Variants in D2HGDH observed in about 807,000 individuals in gnomAD.
D2HGDH encodes D-2-hydroxyglutarate dehydrogenase, also known as D-2-hydroxyglutarate dehydrogenase, mitochondrial.
D2HGDH carries 31 observed loss-of-function variants against 46.9 expected under a neutral mutation model. That is an observed-to-expected ratio of 0.66 (90% confidence interval 0.50 to 0.89). The LOEUF is 0.89. D2HGDH is among the 40% of genes least tolerant of loss of function. The pLI, the probability that D2HGDH is intolerant of heterozygous loss-of-function variation, is 0.00. For synonymous variants in D2HGDH, 364 were observed against 332.6 expected, an observed-to-expected ratio of 1.09 and a Z score of -1.03; for missense variants, 698 against 720.8, an observed-to-expected ratio of 0.97 and a Z score of 0.36.
chr2:241,735,452 C>A lies in D2HGDH; in HGVS notation c.228C>A (p.Gly76=). 3 of 1,609,738 alleles carry A rather than the reference C, an allele frequency of 1.9e-6. No individual in the cohort carries two copies. Among genetic ancestry groups the A allele is most frequent in the Non-Finnish European group, 1.7e-6 (2 of 1,179,664 alleles). Residue 76 remains glycine (G), a synonymous_variant, in exon 2 of 10, where the codon GGC becomes GGA. Coordinates refer to ENST00000321264, the MANE Select transcript of D2HGDH (RefSeq NM_152783.5). ...CCGCCTTTGAGCGCATCGTGCCCGGCGGGGTCGTCACGGACCCGGAAGCGC... is the reference window on the plus strand; with the variant it reads ...CCGCCTTTGAGCGCATCGTGCCCGGAGGGGTCGTCACGGACCCGGAAGCGC... ...DLAAFERIVP[G]GVVTDPEALQ... is the part of the protein sequence containing the mutation.
Position 241,743,098 on chromosome 2 carries a change from G to T in D2HGDH, c.490+524G>T, listed in dbSNP as rs1408866902. 1.4e-5 allele frequency among the ~76,000 whole-genome samples: 2 copies of T among 147,040 alleles called. No individual in the cohort carries two copies. The highest frequency in any genetic ancestry group is 4.0e-4 in the East Asian group (2 of 4,978). On this transcript the variant is annotated intron_variant, in intron 4 of 9. Coordinates refer to ENST00000321264, the MANE Select transcript of D2HGDH (RefSeq NM_152783.5). This position sits in a 1 kb window ranked among gnomAD's most constrained non-coding sequence, Gnocchi z 4.8. ...CAGGCGTGAGGGGATCCTGACCCAGGGTGCCAGGGCGTGGCAGGCATGAGG... is the reference window on the plus strand; with the variant it reads ...CAGGCGTGAGGGGATCCTGACCCAGTGTGCCAGGGCGTGGCAGGCATGAGG...
At chr2:241,746,174 T>C (rs182711339) in intron 6 of D2HGDH, among the ~76,000 whole-genome samples, 2 of 152,316 alleles carry the variant, frequency 1.3e-5, no homozygotes, top group East Asian at 1.9e-4. Context: ...TGATTCAGGA[T>C]AGAATGTCTC....
At chr2:241,762,936 T>A (rs1698959361) in intron 9 of D2HGDH, among the ~76,000 whole-genome samples, 1 of 152,238 alleles carries the variant, frequency 6.6e-6, no homozygotes. Context: ...GTGGTTTGTC[T>A]TCTTGTGTGT....
Position 241,742,022 on chromosome 2 carries a change from T to C in D2HGDH, c.351-413T>C, listed in dbSNP as rs964770659. On this transcript the variant is annotated intron_variant, in intron 3 of 9. Transcript: ENST00000321264. This position sits in a 1 kb window ranked among gnomAD's most constrained non-coding sequence, Gnocchi z 4.8. ...CAGGCTGGTTGGGAGGGAGGTATCC[T>C]TGGGCACACGTCTGGGGGATAATGG... 8.5e-5 allele frequency among the ~76,000 whole-genome samples: 13 copies of C among 152,150 alleles called. No homozygotes were observed. The highest frequency in any genetic ancestry group is 3.1e-4 in the African/African-American group (13 of 41,414).
intron 2 of D2HGDH, among the ~76,000 whole-genome samples, chr2:241,738,962 C>T (rs1423064141): frequency 1.3e-5 from 2 of 152,228 alleles, no homozygotes; most frequent in African/African-American, 2.4e-5. Flanking sequence ...ACTCATTAAG[C>T]ATCATATTCA....
Position 241,757,973 on chromosome 2 carries a change from A to G in D2HGDH, c.1306+1959A>G, listed in dbSNP as rs548477590. 1.1e-3 allele frequency among the ~76,000 whole-genome samples: 163 copies of G among 152,148 alleles called. 2 individuals carry two copies. The highest frequency in any genetic ancestry group is 2.0e-3 in the Non-Finnish European group (133 of 67,972). On this transcript the variant is annotated intron_variant, in intron 9 of 9. Transcript: ENST00000321264. ...AAACTCCATCTCAAAAAAAAAAAAA[A>G]AAGCAAGAATGAATGTTGAATTTTT... is the stretch of plus-strand genomic sequence containing the variant.
chr2:241,734,734 T>G (rs1323364515), intron 1 of D2HGDH, 39 bp downstream of exon 1: 1 of 152,182 alleles, frequency 6.6e-6, no homozygotes, highest in Non-Finnish European at 1.5e-5. Flanking sequence ...GGGCTGAGGG[T>G]CCCGGTCTGC....
chr2:241,737,523 C>A (rs1575177838), intron 2 of D2HGDH, among the ~76,000 whole-genome samples: 1 of 151,678 alleles, frequency 6.6e-6, no homozygotes, highest in East Asian at 2.0e-4. Flanking sequence ...GGAGTCTTGC[C>A]CTGTCACTCA....
Position 241,743,667 on chromosome 2 carries a change from G to A in D2HGDH, c.536G>A (p.Arg179Gln), listed in dbSNP as rs1354341670. The A allele has an allele frequency of 7.4e-6, 12 of 1,613,878 alleles. No individual in the cohort carries two copies. The highest frequency in any genetic ancestry group is 1.7e-5 in the Admixed American group (1 of 59,996). ...GGCTGCGTCCTGGAGGAGCTGAGCC[G>A]GTATGTGGAGGAACGGGACTTCATC... is the stretch of plus-strand genomic sequence containing the variant. ...QAGCVLEELS[R>Q]YVEERDFIMP... The change falls in exon 5 of 10, where the codon CGG becomes CAG. Residue 179 changes from arginine (R) to glutamine (Q), a missense_variant. Physicochemically the swap from Arg to Gln is conservative, Grantham distance 43. Coordinates refer to ENST00000321264, the MANE Select transcript of D2HGDH (RefSeq NM_152783.5). The surrounding 1 kb of genome is among the most constrained non-coding windows in gnomAD (Gnocchi z 4.8).
At chr2:241,745,483 G>A (rs1695627166) in intron 6 of D2HGDH, among the ~76,000 whole-genome samples, 1 of 152,220 alleles carries the variant, frequency 6.6e-6, no homozygotes, top group African/African-American at 2.4e-5. Context: ...CGCGCGGGAG[G>A]TGGCGGGTCT....
chr2:241,758,080 C>T (rs1481043302), intron 9 of D2HGDH, among the ~76,000 whole-genome samples: 5 of 152,150 alleles, frequency 3.3e-5, no homozygotes, highest in Admixed American at 3.3e-4. Context: ...TGATTGATCC[C>T]TCTGGAGTCA....
rs147235851 is a variant in D2HGDH at position 241,762,622 on chromosome 2, C to T, written c.1307-5088C>T. 3.8e-3 allele frequency among the ~76,000 whole-genome samples: 573 copies of T among 152,270 alleles called. 2 individuals carry two copies. The highest frequency in any genetic ancestry group is 0.013 in the African/African-American group (536 of 41,540). ...CCTCTTGGAACTCAGTCCAAGCCCC[C>T]TTGTTTCTTATCGGCTGCTGCCAGG... On this transcript the variant is annotated intron_variant, in intron 9 of 9. Coordinates refer to ENST00000321264, the MANE Select transcript of D2HGDH (RefSeq NM_152783.5).
At chr2:241,764,045 C>CA (rs894258303) in intron 9 of D2HGDH, among the ~76,000 whole-genome samples, 6 of 152,032 alleles carry the variant, frequency 3.9e-5, no homozygotes, top group African/African-American at 1.5e-4. Context: ...GACCCTGTCT[C>CA]AAAAAAACAA....
At chr2:241,749,726 C>CCCCTCCTGATTT (rs1202908051) in intron 6 of D2HGDH, 25 of 333,578 alleles carry the variant, frequency 7.5e-5, no homozygotes, top group African/African-American at 4.9e-4. Context: ...TCGGCGCCTT[C>CCCCTCCTGATTT]CCCTCCTGAT....
At chr2:241,740,619 A>C (rs781189473) in intron 2 of D2HGDH, among the ~76,000 whole-genome samples, 29 of 152,270 alleles carry the variant, frequency 1.9e-4, no homozygotes, top group Admixed American at 5.2e-4. Context: ...TCCTGGACTC[A>C]GATGATTCTC....
intron 2 of D2HGDH, among the ~76,000 whole-genome samples, chr2:241,740,393 C>T (rs897772880): frequency 6.6e-6 from 1 of 152,206 alleles, no homozygotes; most frequent in Non-Finnish European, 1.5e-5. Context: ...GAGCCGACCT[C>T]ACCACAAGTG....
intron 9 of D2HGDH, among the ~76,000 whole-genome samples, chr2:241,765,230 C>A (rs1575347847): frequency 6.6e-6 from 1 of 152,170 alleles, no homozygotes; most frequent in East Asian, 1.9e-4. Context: ...GCAGGCCATG[C>A]GGTAACTCAG....
rs945739232 is a variant in D2HGDH, at chr2:241,755,920, C to T, written c.1212C>T (p.Leu404=). 1.2e-6 allele frequency: 2 copies of T among 1,612,834 alleles called. No homozygotes were observed. The highest frequency in any genetic ancestry group is 1.7e-5 in the Admixed American group (1 of 60,000). ...SRDGYVYKYD[L]SLPVERLYDI... ...ATGGCTACGTGTACAAGTACGACCT[C>T]TCCCTCCCTGTGGAGCGGCTCTACG... The change falls in exon 9 of 10, where the codon CTC becomes CTT. Residue 404 remains leucine (L), a synonymous_variant. Transcript: ENST00000321264.
rs1695148697 is a variant in D2HGDH at position 241,743,802 on chromosome 2, T to C, written c.671T>C (p.Leu224Pro). Residue 224 changes from leucine (L) to proline (P), a missense_variant, in exon 5 of 10, where the codon CTG becomes CCG. Transcript: ENST00000321264. The surrounding 1 kb of genome is among the most constrained non-coding windows in gnomAD (Gnocchi z 4.8). ...LRYGSLHGTV[L>P]GLEVVLADGT... The stretch of plus-strand genomic sequence containing the variant: ...TATGGCTCACTGCATGGGACTGTCC[T>C]GGGCCTGGAAGTGGTGAGCTGGGGC... 6.2e-7 allele frequency: 1 copy of C among 1,602,768 alleles called. No homozygotes were observed. The highest frequency in any genetic ancestry group is 8.5e-7 in the Non-Finnish European group (1 of 1,175,306).
Sources: allele counts gnomAD v4.1 joint callset (sites outside exome capture counted in the v4.1 genomes callset), GRCh38; gene constraint gnomAD v4.1.1; non-coding constraint Gnocchi (gnomAD v3.1); transcripts MANE v1.5; gene names NCBI Gene and HGNC (gene_info 2026-07-23, HGNC 2026-07-21).